The following MALRD1 variants were observed in gnomAD, a reference collection of about 807,000 sequenced individuals.
MALRD1 encodes MAM and LDL receptor class A domain containing 1.
MALRD1 carries 247 observed loss-of-function variants against 242.1 expected under a neutral mutation model. That is an observed-to-expected ratio of 1.02 (90% CI 0.92 to 1.13). The LOEUF is 1.13. MALRD1 is among the 50% of genes most tolerant of loss of function. MALRD1 has a pLI of 0.00. For missense variants in MALRD1, 2,989 were observed against 2,533.1 expected (o/e 1.18, Z -3.86); for synonymous variants, 995 against 866.6 (o/e 1.15, Z -2.60).
At chr10:19,340,172 G>A (rs1298952912) in intron 24 of MALRD1, among the ~76,000 whole-genome samples, 2 of 152,088 alleles carry the variant, frequency 1.3e-5, no homozygotes, top group African/African-American at 2.4e-5. Flanking sequence ...ATGTTTACGG[G>A]TTACATAAGA....
At chr10:19,293,194 A>T (rs1252257168) in intron 21 of MALRD1, among the ~76,000 whole-genome samples, 2 of 152,200 alleles carry the variant, frequency 1.3e-5, no homozygotes, top group Non-Finnish European at 2.9e-5. Flanking sequence ...TAATGGTTAA[A>T]TACCAGTCCT....
At chr10:19,586,657 C>A (rs183169762) in intron 33 of MALRD1, among the ~76,000 whole-genome samples, 1 of 152,188 alleles carries the variant, frequency 6.6e-6, no homozygotes, top group African/African-American at 2.4e-5. Flanking sequence ...TTTAAGTTTG[C>A]AGAGGTTACT....
intron 29 of MALRD1, among the ~76,000 whole-genome samples, chr10:19,481,013 A>G (rs927711842): frequency 1.3e-5 from 2 of 152,208 alleles, no homozygotes; most frequent in Admixed American, 6.5e-5. Context: ...CATGTCAGAA[A>G]AGAGAGCTTG....
At chr10:19,323,256 T>C (rs895650133) in intron 21 of MALRD1, among the ~76,000 whole-genome samples, 3 of 152,134 alleles carry the variant, frequency 2.0e-5, no homozygotes, top group African/African-American at 7.2e-5. Context: ...CTCCTACTTA[T>C]TCATGTTTTC....
chr10:19,653,577 G>A (rs1840989082), intron 36 of MALRD1, among the ~76,000 whole-genome samples: 1 of 145,520 alleles, frequency 6.9e-6, no homozygotes, highest in African/African-American at 2.8e-5. Flanking sequence ...ATGTCCTCTT[G>A]TGTTGAAGTT....
intron 32 of MALRD1, among the ~76,000 whole-genome samples, chr10:19,553,024 A>G (rs1396419325): frequency 2.0e-5 from 3 of 152,150 alleles, no homozygotes; most frequent in African/African-American, 2.4e-5. Context: ...CATCCTAATT[A>G]TGACTTGTAG....
chr10:19,465,309 C>T (rs11010075), intron 29 of MALRD1, among the ~76,000 whole-genome samples: 70,161 of 151,866 alleles, frequency 0.46, 16,224 homozygotes, highest in East Asian at 0.54. Flanking sequence ...GGAATGCTTT[C>T]AACTTTTCCC....
At chr10:19,429,147 G>T (rs1834020056) in intron 28 of MALRD1, among the ~76,000 whole-genome samples, 1 of 152,180 alleles carries the variant, frequency 6.6e-6, no homozygotes. Context: ...TGCATTAAGG[G>T]ACTGTAAATA....
At chr10:19,645,403 A>G (rs981686567) in intron 36 of MALRD1, among the ~76,000 whole-genome samples, 1 of 152,224 alleles carries the variant, frequency 6.6e-6, no homozygotes, top group Non-Finnish European at 1.5e-5. Flanking sequence ...ATTATAAATC[A>G]TGCTGCTATA....
chr10:19,224,795 C>T (rs1017507267), intron 18 of MALRD1, among the ~76,000 whole-genome samples: 4 of 152,150 alleles, frequency 2.6e-5, no homozygotes, highest in African/African-American at 7.2e-5. Flanking sequence ...TGTGTGTTCA[C>T]TCCGATGATA....
intron 18 of MALRD1, among the ~76,000 whole-genome samples, chr10:19,238,532 CATTATATATAATATATAATGTAT>C (rs1364526108): frequency 7.2e-5 from 4 of 55,864 alleles, no homozygotes; most frequent in Non-Finnish European, 1.3e-4. Flanking sequence ...ATATAATATA[CATTATATATAATATATAATGTAT>C]ATTATATATA....
intron 13 of MALRD1, among the ~76,000 whole-genome samples, chr10:19,173,309 T>C (rs1004297670): frequency 1.3e-5 from 2 of 152,068 alleles, no homozygotes. Flanking sequence ...TGGCGATAGA[T>C]ATTATTTTTA....
chr10:19,658,426 A>G (rs945212655), intron 36 of MALRD1, among the ~76,000 whole-genome samples: 1 of 152,144 alleles, frequency 6.6e-6, no homozygotes, highest in Non-Finnish European at 1.5e-5. Context: ...AAGATATTTT[A>G]GCTTTTGAAA....
At chr10:19,518,223 A>C (rs757347948) in intron 31 of MALRD1, among the ~76,000 whole-genome samples, 2 of 152,200 alleles carry the variant, frequency 1.3e-5, no homozygotes, top group Non-Finnish European at 2.9e-5. Context: ...GTTAGGTTGT[A>C]GTTTGTTTTG....
chr10:19,204,661 C>A (rs770261914), intron 16 of MALRD1, among the ~76,000 whole-genome samples: 2 of 152,262 alleles, frequency 1.3e-5, no homozygotes, highest in Non-Finnish European at 1.5e-5. Context: ...ATTAAGATTT[C>A]TTCCTCTTGT....
At chr10:19,690,837 A>G (rs1026062386) in intron 36 of MALRD1, among the ~76,000 whole-genome samples, 2 of 152,004 alleles carry the variant, frequency 1.3e-5, no homozygotes, top group Non-Finnish European at 2.9e-5. Flanking sequence ...AGACAGACAG[A>G]CAGCATTCAT....
chr10:19,120,260 A>G (rs1316126669), intron 5 of MALRD1, among the ~76,000 whole-genome samples: 1 of 152,152 alleles, frequency 6.6e-6, no homozygotes, highest in Non-Finnish European at 1.5e-5. Flanking sequence ...GAAAACCAGA[A>G]AAGAGTTTTA....
chr10:19,514,054 T>C (rs561203063), intron 31 of MALRD1, among the ~76,000 whole-genome samples: 1 of 152,200 alleles, frequency 6.6e-6, no homozygotes. Flanking sequence ...TATTTTAGGC[T>C]TACAGCTGTT....
chr10:19,615,516 CA>C lies in MALRD1; in HGVS notation c.6071-322del, dbSNP rs530920512. On this transcript the variant is annotated intron_variant, in intron 35 of 39. Transcript: ENST00000454679. The stretch of plus-strand genomic sequence containing the variant: ...TGAATGACAGAGCAAGACCCTGCCT[CA>C]AAAAAAAAAAAAAAAAAAGAGGAAG... Among the ~76,000 whole-genome samples, 97 of 37,228 alleles carry C rather than the reference CA, an allele frequency of 2.6e-3. 1 individual carries two copies. Among genetic ancestry groups the C allele is most frequent in the East Asian group, 0.018 (18 of 1,028 alleles). The allele number at this position is 37,228 out of a possible 152,430, so 24.4% of individuals were successfully genotyped here.
Sources: gnomAD v4.1 joint callset for allele counts (sites outside exome capture counted in the v4.1 genomes callset) on GRCh38, gnomAD v4.1.1 for gene constraint, MANE v1.5 for transcripts, NCBI Gene and HGNC (gene_info 2026-07-23, HGNC 2026-07-21) for gene names.